Variants in DOK4 observed in about 807,000 individuals in gnomAD.
DOK4 encodes downstream of tyrosine kinase 4.
In DOK4, 26 loss-of-function variants were observed where a neutral mutation model predicts 40.1. The ratio of observed to expected loss-of-function variants is 0.65; its 90% CI spans 0.48 to 0.90. DOK4 has a LOEUF of 0.90. Among genes scored for constraint, DOK4 ranks in the 40% least tolerant of loss-of-function variants. DOK4 has a pLI of 0.00. For synonymous variants in DOK4, 179 were observed against 177.0 expected (o/e 1.01, Z -0.09); for missense variants, 392 against 437.2 (o/e 0.90, Z 0.92).
At chr16:57,481,134 G>C (rs1266680709) in intron 1 of DOK4, among the ~76,000 whole-genome samples, 1 of 152,200 alleles carries the variant, frequency 6.6e-6, no homozygotes, top group Admixed American at 6.5e-5. Context: ...GCTGCTGGTT[G>C]TGCCAGCAGC....
At position 57,479,531 on chromosome 16, in the gene DOK4, C is replaced by T. The variant is rs995501153; in HGVS notation, c.-24G>A. On this transcript the variant is annotated 5_prime_UTR_variant, in exon 2 of 9. Coordinates refer to ENST00000340099, the Ensembl canonical transcript of DOK4. The surrounding 1 kb of genome is among the most constrained non-coding windows in gnomAD (Gnocchi z 5.8). The stretch of plus-strand genomic sequence containing the variant: ...ATGGTTTTCCCACCTTTTAGGGGCG[C>T]GGGGCCTGGCAGAGGCGAGGGGAAG... 1.2e-5 allele frequency: 20 copies of T among 1,612,440 alleles called. No homozygotes were observed. Among genetic ancestry groups the T allele is most frequent in the African/African-American group, 2.7e-5 (2 of 75,008 alleles).
intron 1 of DOK4, among the ~76,000 whole-genome samples, chr16:57,482,055 G>C (rs1463150754): frequency 6.6e-6 from 1 of 152,032 alleles, no homozygotes; most frequent in African/African-American, 2.4e-5. Context: ...TAGTAGAGAC[G>C]GGGTTTCACC....
At chr16:57,473,026 A>T in exon 9 of DOK4, 1 of 237,422 alleles carries the variant, frequency 4.2e-6, no homozygotes. Context: ...ATACTCAAAA[A>T]CAGCCTTGAC....
At chr16:57,486,512 C>T (rs2031547439), upstream of DOK4, 1 of 151,820 alleles carries the variant, frequency 6.6e-6, no homozygotes, top group South Asian at 2.0e-4. Context: ...CCCCCCTCCG[C>T]CAGGTCTCGC....
At chr16:57,474,185 G>C in intron 6 of DOK4, 146 bp from the exon 7 acceptor site, 1 of 1,021,832 alleles carries the variant, frequency 9.8e-7, no homozygotes, top group South Asian at 1.6e-5. Flanking sequence ...CCGACCACAC[G>C]GTGCAAATGT....
In DOK4 at chr16:57,485,974, A is replaced by G. The variant is rs189606524; in HGVS notation, c.-182+331T>C. Among the ~76,000 whole-genome samples the G allele has an allele frequency of 1.8e-3, 274 of 152,216 alleles. No individual in the cohort carries two copies. Among genetic ancestry groups the G allele is most frequent in the African/African-American group, 6.0e-3 (249 of 41,564 alleles). On this transcript the variant is annotated intron_variant, in intron 1 of 8. Coordinates refer to ENST00000340099, the Ensembl canonical transcript of DOK4. The surrounding 1 kb of genome is among the most constrained non-coding windows in gnomAD (Gnocchi z 4.3). ...GTTGGGAGCTGCCAGGGGCTGGGTT[A>G]TGCCCCTTCCGGGGGGGCAGGCCCG...
At chr16:57,476,232 C>T (rs1017580591) in intron 2 of DOK4, 4 of 457,822 alleles carry the variant, frequency 8.7e-6, no homozygotes, top group Non-Finnish European at 1.2e-5. Context: ...CTGTGTGCAC[C>T]GCTGAGTTTA....
At chr16:57,487,093 C>CA (rs1318456007), upstream of DOK4, 1 of 152,330 alleles carries the variant, frequency 6.6e-6, no homozygotes, top group Non-Finnish European at 1.5e-5. Context: ...CCAACCCCCT[C>CA]ACCTCTGCCC....
chr16:57,487,096 C>G (rs191753241), upstream of DOK4: 4 of 152,568 alleles, frequency 2.6e-5, no homozygotes, highest in Admixed American at 2.6e-4. Context: ...ACCCCCTCAC[C>G]TCTGCCCTTC....
intron 1 of DOK4, among the ~76,000 whole-genome samples, chr16:57,481,266 G>C (rs552089372): frequency 7.9e-5 from 12 of 152,284 alleles, no homozygotes; most frequent in African/African-American, 2.6e-4. Context: ...AAACAAGGGA[G>C]GGGCAGAGAC....
chr16:57,475,982 A>G, intron 2 of DOK4, 25 bp from the exon 3 acceptor site: 1 of 1,591,976 alleles, frequency 6.3e-7, no homozygotes, highest in African/African-American at 1.3e-5. Flanking sequence ...GACAGGGCTC[A>G]GGCCTCCCTG....
chr16:57,473,858 T>TA, intron 7 of DOK4, 43 bp downstream of exon 7: 1 of 1,550,196 alleles, frequency 6.5e-7, no homozygotes, highest in Non-Finnish European at 8.7e-7. Context: ...GCCCGCCCGT[T>TA]CCCCCCTCCC....
At chr16:57,476,258 G>A (rs1428763614) in intron 2 of DOK4, 1 of 395,008 alleles carries the variant, frequency 2.5e-6, no homozygotes, top group Middle Eastern at 7.6e-4. Flanking sequence ...AGTAGCCAAC[G>A]TTCCTGAGTG....
chr16:57,477,900 C>T (rs533250092), intron 2 of DOK4, among the ~76,000 whole-genome samples: 68 of 152,294 alleles, frequency 4.5e-4, no homozygotes, highest in Middle Eastern at 3.4e-3. Context: ...CTGGCTATGC[C>T]CCACCTCCCC....
exon 9 of DOK4, chr16:57,472,605 C>T (rs1316149385): frequency 6.5e-6 from 1 of 152,680 alleles, no homozygotes; most frequent in African/African-American, 2.4e-5. Context: ...CCCTCCTGGC[C>T]TATTCCTGGG....
At chr16:57,473,592 T>TGGAAGCG in intron 8 of DOK4, 21 bp downstream of exon 8, 1 of 1,614,158 alleles carries the variant, frequency 6.2e-7, no homozygotes, top group Non-Finnish European at 8.5e-7. Context: ...CAGGTGGGTG[T>TGGAAGCG]GGGGCATGGA....
chr16:57,479,613 C>T lies in DOK4; in HGVS notation c.-106G>A, dbSNP rs554872208. On this transcript the variant is annotated 5_prime_UTR_variant, in exon 2 of 9. Transcript: ENST00000340099. The surrounding 1 kb of genome is among the most constrained non-coding windows in gnomAD (Gnocchi z 5.8). ...CAATCACCTGTTCCAGACACTCTGT[C>T]GGGGCTGCCGCGAGGGGCTGCTCCT... 1.9e-5 allele frequency: 24 copies of T among 1,279,044 alleles called. No individual in the cohort carries two copies. The highest frequency in any genetic ancestry group is 1.6e-4 in the African/African-American group (11 of 68,678). The allele number at this position is 1,279,044 out of a possible 1,614,324, so 79.2% of individuals were successfully genotyped here. A position where few individuals can be genotyped will look rare whatever the true frequency, so the allele number is the denominator to read the frequency against.
At position 57,479,342 on chromosome 16, in the gene DOK4, G is replaced by T; in HGVS notation, c.66+100C>A. The T allele has an allele frequency of 7.5e-7, 1 of 1,337,564 alleles. No individual in the cohort carries two copies. The highest frequency in any genetic ancestry group is 1.0e-6 in the Non-Finnish European group (1 of 958,496). The allele number at this position is 1,337,564 out of a possible 1,614,324, so 82.9% of individuals were successfully genotyped here. ...AGATGCACGATGCCCGGCAGCCGGA[G>T]GGCAGCCGCGTGCCCCACGCGCCAT... On this transcript the variant is annotated intron_variant, in intron 2 of 8. Transcript: ENST00000340099. The surrounding 1 kb of genome is among the most constrained non-coding windows in gnomAD (Gnocchi z 5.8).
At chr16:57,481,243 AG>A (rs1206212455) in intron 1 of DOK4, among the ~76,000 whole-genome samples, 1 of 152,158 alleles carries the variant, frequency 6.6e-6, no homozygotes, top group East Asian at 1.9e-4. Context: ...GGACTACCCC[AG>A]TGGGCACACG....
Sources: allele counts gnomAD v4.1 joint callset (sites outside exome capture counted in the v4.1 genomes callset), GRCh38; gene constraint gnomAD v4.1.1; non-coding constraint Gnocchi (gnomAD v3.1); transcripts MANE v1.5; gene names NCBI Gene and HGNC (gene_info 2026-07-23, HGNC 2026-07-21).